Variants in GSE1 observed in about 807,000 individuals in gnomAD.
GSE1 encodes Gse1 coiled-coil protein.
A neutral mutation model predicts 112.6 loss-of-function variants in GSE1; 32 were observed. The observed-to-expected ratio is 0.28, with a 90% confidence interval of 0.21 to 0.38. The LOEUF (loss-of-function observed/expected upper bound fraction) is 0.38, where lower values mean the gene tolerates loss of function less well. Among genes scored for constraint, GSE1 ranks in the 10% least tolerant of loss-of-function variants. The pLI is 1.00. For synonymous variants in GSE1, 1,115 were observed against 735.6 expected, an observed-to-expected ratio of 1.52 and a Z score of -8.35; for missense variants, 2,348 against 1,699.2, an observed-to-expected ratio of 1.38 and a Z score of -6.71.
At chr16:85,641,234 C>T (rs553042255) in intron 2 of GSE1, among the ~76,000 whole-genome samples, 148 of 152,358 alleles carry the variant, frequency 9.7e-4, no homozygotes, top group African/African-American at 3.5e-3. Context: ...CTCCTTTGGT[C>T]CCACGCGGAC....
At chr16:85,653,480 C>CT (rs1234423119) in intron 3 of GSE1, among the ~76,000 whole-genome samples, 1 of 151,010 alleles carries the variant, frequency 6.6e-6, no homozygotes, top group East Asian at 2.0e-4. Flanking sequence ...GGAAGGTGGG[C>CT]TTTGGGCCAC....
intron 2 of GSE1, among the ~76,000 whole-genome samples, chr16:85,486,519 C>T (rs2050844716): frequency 1.3e-5 from 2 of 152,248 alleles, no homozygotes; most frequent in African/African-American, 4.8e-5. Context: ...GGTGGCATGT[C>T]TCCTGTCTTA....
Position 85,493,273 on chromosome 16 carries a change from G to A in GSE1, c.2464+135630G>A, listed in dbSNP as rs964066582. Reference sequence around the variant, plus strand: ...AAGACCAGCCTGAGTGACATAGTGAGACCCCATTTCTATAACAAAATAATA... The same window carrying A: ...AAGACCAGCCTGAGTGACATAGTGAAACCCCATTTCTATAACAAAATAATA... On this transcript the variant is annotated intron_variant, in intron 2 of 2. Transcript: ENST00000637419. Among the ~76,000 whole-genome samples the A allele has an allele frequency of 3.3e-5, 5 of 151,948 alleles. No individual in the cohort carries two copies. The South Asian group carries it at 1.0e-3, about 32-fold the overall frequency.
rs2050493714 is a variant in GSE1, at chr16:85,477,459, C to G, written c.2464+119816C>G. On this transcript the variant is annotated intron_variant, in intron 2 of 2. Transcript: ENST00000637419. ...ACATGCCCACAGCCAGCTGGGTCTG[C>G]TCGGCACCCCTCACCTCCTTATTGT... Among the ~76,000 whole-genome samples the G allele has an allele frequency of 2.6e-5, 4 of 152,134 alleles. No homozygotes were observed. The South Asian group carries it at 8.3e-4, about 32-fold the overall frequency.
chr16:85,613,145 C>A, upstream of GSE1: 2 of 1,302,318 alleles, frequency 1.5e-6, no homozygotes, highest in Middle Eastern at 2.8e-4. Context: ...CCGACACCTC[C>A]CGCTGGCTGA....
At position 85,311,520 on chromosome 16, in the gene GSE1, G is replaced by A. The variant is rs1030846661; in HGVS notation, c.2284-45943G>A. The stretch of plus-strand genomic sequence containing the variant: ...GACATTGGGGAGGGAGGGAGGGAGG[G>A]AAGGAGGTGCCGGGGTGCTCACCTT... On this transcript the variant is annotated intron_variant, in intron 1 of 2. Coordinates refer to the GSE1 transcript ENST00000637419. The surrounding 1 kb of genome is among the most constrained non-coding windows in gnomAD (Gnocchi z 4.2). Among the ~76,000 whole-genome samples the A allele has an allele frequency of 6.7e-6, 1 of 150,088 alleles. No individual in the cohort carries two copies. The highest frequency in any genetic ancestry group is 1.5e-5 in the Non-Finnish European group (1 of 67,498).
Position 85,672,610 on chromosome 16 carries a change from T to C in GSE1, c.*71T>C. The C allele has an allele frequency of 2.8e-6, 3 of 1,064,126 alleles. No homozygotes were observed. The highest frequency in any genetic ancestry group is 3.9e-6 in the Non-Finnish European group (3 of 767,752). 65.9% of individuals were successfully genotyped at this position (1,064,126 alleles called of 1,614,324 possible). ...CTATTTTATTACCTTGAATATTTAA[T>C]ATTTTTCACTGGGAGGTTTGAAGCT... On this transcript the variant is annotated 3_prime_UTR_variant, in exon 16 of 16. Coordinates refer to ENST00000253458, the MANE Select transcript of GSE1 (RefSeq NM_014615.5).
At chr16:85,383,072 T>C (rs888010243) in intron 2 of GSE1, among the ~76,000 whole-genome samples, 2 of 117,440 alleles carry the variant, frequency 1.7e-5, no homozygotes, top group African/African-American at 9.5e-5. Flanking sequence ...CACACACACA[T>C]GTAATCACAG....
At chr16:85,630,385 C>T (rs998368846) in intron 1 of GSE1, among the ~76,000 whole-genome samples, 1 of 152,156 alleles carries the variant, frequency 6.6e-6, no homozygotes, top group African/African-American at 2.4e-5. Context: ...GGTTCTGTTA[C>T]CCAGGCTAGA....
chr16:85,481,928 C>T (rs779831516), intron 2 of GSE1, among the ~76,000 whole-genome samples: 11 of 152,220 alleles, frequency 7.2e-5, no homozygotes, highest in Non-Finnish European at 1.2e-4. Context: ...CATTCTCAGC[C>T]GCCGACGGAC....
chr16:85,469,005 A>G (rs920790409), intron 2 of GSE1, among the ~76,000 whole-genome samples: 2 of 152,196 alleles, frequency 1.3e-5, no homozygotes, highest in Admixed American at 1.3e-4. Context: ...CTGTAATCCC[A>G]GCACTTTGGG....
At chr16:85,195,843 A>G (rs1195603898) in intron 1 of GSE1, among the ~76,000 whole-genome samples, 1 of 152,202 alleles carries the variant, frequency 6.6e-6, no homozygotes, top group African/African-American at 2.4e-5. Context: ...GAGTTAAAAA[A>G]TAAAACAAAT....
chr16:85,416,867 G>A (rs1447508014), intron 2 of GSE1, among the ~76,000 whole-genome samples: 1 of 152,040 alleles, frequency 6.6e-6, no homozygotes, highest in Non-Finnish European at 1.5e-5. Context: ...TTGTTTTTTT[G>A]TTTTTTGAGG....
chr16:85,266,975 A>C (rs749944708), intron 1 of GSE1, among the ~76,000 whole-genome samples: 1 of 152,030 alleles, frequency 6.6e-6, no homozygotes. Flanking sequence ...CTGCAGGGGG[A>C]TGGCTCTGCT....
intron 2 of GSE1, among the ~76,000 whole-genome samples, chr16:85,364,316 G>A (rs570035065): frequency 1.3e-5 from 2 of 152,300 alleles, no homozygotes; most frequent in East Asian, 1.9e-4. Flanking sequence ...GAAGGCCCCT[G>A]TGACTGCACC....
intron 1 of GSE1, among the ~76,000 whole-genome samples, chr16:85,266,122 G>C (rs989598876): frequency 6.6e-6 from 1 of 152,154 alleles, no homozygotes; most frequent in African/African-American, 2.4e-5. Context: ...TCCCCAGGGA[G>C]GTGGGGGAGC....
At chr16:85,170,036 C>G (rs2074332951) in exon 1 of GSE1, 1 of 984,802 alleles carries the variant, frequency 1.0e-6, no homozygotes. Flanking sequence ...ACGCGAGACT[C>G]CGACCTGTCG....
chr16:85,497,618 G>A (rs973187931), intron 2 of GSE1, among the ~76,000 whole-genome samples: 1 of 152,206 alleles, frequency 6.6e-6, no homozygotes, highest in African/African-American at 2.4e-5. Context: ...TCCTATGTCT[G>A]TGCAGCAGTA....
chr16:85,274,640 G>T (rs1255607515), intron 1 of GSE1, among the ~76,000 whole-genome samples: 2 of 152,232 alleles, frequency 1.3e-5, no homozygotes, highest in Admixed American at 6.5e-5. Context: ...CCTCCCACGT[G>T]GGATGGGCAG....
Sources: allele counts gnomAD v4.1 joint callset (sites outside exome capture counted in the v4.1 genomes callset), GRCh38; gene constraint gnomAD v4.1.1; non-coding constraint Gnocchi (gnomAD v3.1); transcripts MANE v1.5; gene names NCBI Gene and HGNC (gene_info 2026-07-23, HGNC 2026-07-21).